Variants in BASP1 observed in about 807,000 individuals in gnomAD.
BASP1 encodes brain abundant membrane attached signal protein 1, also known as brain acid soluble protein 1.
BASP1 carries 1 observed loss-of-function variant against 2.2 expected under a neutral mutation model. The ratio of observed to expected loss-of-function variants is 0.46; its 90% CI spans 0.16 to 2.17. BASP1 has a LOEUF of 2.17. Among genes scored for constraint, BASP1 ranks in the 30% most tolerant of loss-of-function variants. The pLI is 0.27. For missense variants in BASP1, 352 were observed against 327.2 expected (o/e 1.08, Z -0.58); for synonymous variants, 187 against 154.2 (o/e 1.21, Z -1.58).
chr5:17,256,594 C>A (rs1260613525), intron 1 of BASP1, among the ~76,000 whole-genome samples: 3 of 152,122 alleles, frequency 2.0e-5, no homozygotes, highest in African/African-American at 7.2e-5. Flanking sequence ...ATGAAATAAC[C>A]AACCCTGGGA....
At position 17,275,635 on chromosome 5, in the gene BASP1, A is replaced by G. The variant is rs1341704499; in HGVS notation, c.419A>G (p.Glu140Gly). ...AESAAPAAGEEPSKEEGEPKK... is the reference protein window; with the variant it reads ...AESAAPAAGEGPSKEEGEPKK... ...AGCGCGGCCCCTGCCGCCGGGGAGG[A>G]GCCCAGCAAGGAGGAAGGGGAACCC... The change falls in exon 2 of 2, where the codon GAG (glutamate) becomes GGG (glycine). Residue 140 changes from glutamate to glycine, a missense_variant. Coordinates refer to ENST00000322611, the MANE Select transcript of BASP1 (RefSeq NM_006317.5). The surrounding 1 kb of genome is among the most constrained non-coding windows in gnomAD (Gnocchi z 5.3). 1 of 1,498,164 alleles carries G rather than the reference A, an allele frequency of 6.7e-7. No individual in the cohort carries two copies. Among genetic ancestry groups the G allele is most frequent in the Non-Finnish European group, 8.9e-7 (1 of 1,126,044 alleles). 92.8% of individuals were successfully genotyped at this position (1,498,164 alleles called of 1,614,324 possible).
chr5:17,243,359 G>C (rs1188070251), intron 1 of BASP1, among the ~76,000 whole-genome samples: 3 of 152,036 alleles, frequency 2.0e-5, no homozygotes, highest in Non-Finnish European at 4.4e-5. Flanking sequence ...TCGCCACGTT[G>C]GCCAGGCTAG....
intron 1 of BASP1, among the ~76,000 whole-genome samples, chr5:17,235,026 A>T (rs1252586349): frequency 6.6e-6 from 1 of 152,220 alleles, no homozygotes; most frequent in Admixed American, 6.5e-5. Flanking sequence ...TTCCATTAAA[A>T]AGCAGGCATT....
Position 17,224,641 on chromosome 5 carries a change from C to G in BASP1, c.-10+6831C>G, listed in dbSNP as rs544355833. On this transcript the variant is annotated intron_variant, in intron 1 of 1. Transcript: ENST00000322611. ...TTAAATTGCTTGTAGATTAGAGGTG[C>G]TTCTTGTCATAGTGAATGGAGACTA... is the stretch of plus-strand genomic sequence containing the variant. Among the ~76,000 whole-genome samples the G allele has an allele frequency of 5.9e-5, 9 of 152,266 alleles. No homozygotes were observed. In the South Asian group the frequency reaches 1.9e-3, roughly 32 times the overall value.
intron 1 of BASP1, among the ~76,000 whole-genome samples, chr5:17,241,029 C>T (rs940146352): frequency 6.6e-6 from 1 of 151,776 alleles, no homozygotes; most frequent in African/African-American, 2.4e-5. Context: ...CTGGTGAGCA[C>T]AGGCTTGCCT....
chr5:17,235,600 C>T (rs1739726849), intron 1 of BASP1, among the ~76,000 whole-genome samples: 1 of 152,142 alleles, frequency 6.6e-6, no homozygotes, highest in Non-Finnish European at 1.5e-5. Context: ...CATTTCCTTA[C>T]ATCCCTATTC....
chr5:17,269,409 A>AG (rs1740488131), intron 1 of BASP1, among the ~76,000 whole-genome samples: 2 of 152,192 alleles, frequency 1.3e-5, no homozygotes, highest in Non-Finnish European at 2.9e-5. Context: ...TAGGCAAAAA[A>AG]GGACCAGGCT....
chr5:17,237,222 T>C (rs1655906820), intron 1 of BASP1, among the ~76,000 whole-genome samples: 1 of 152,086 alleles, frequency 6.6e-6, no homozygotes, highest in African/African-American at 2.4e-5. Context: ...TGGGCGCCTG[T>C]AGTCCCAGCT....
At chr5:17,246,542 T>C (rs1739995613) in intron 1 of BASP1, among the ~76,000 whole-genome samples, 1 of 152,138 alleles carries the variant, frequency 6.6e-6, no homozygotes, top group South Asian at 2.1e-4. Context: ...GCAGGAGATG[T>C]GGCCGCCCCG....
chr5:17,218,498 G>A (rs946630933), intron 1 of BASP1, among the ~76,000 whole-genome samples: 2 of 152,162 alleles, frequency 1.3e-5, no homozygotes, highest in African/African-American at 2.4e-5. Flanking sequence ...TGGCGGAATT[G>A]CCTTCCTACG....
At chr5:17,217,099 AGT>A (rs1739263903), upstream of BASP1, 12 of 132,656 alleles carry the variant, frequency 9.0e-5, no homozygotes, top group Non-Finnish European at 1.4e-4. Context: ...AGAGAGAGTG[AGT>A]GAGAGAGTGA....
chr5:17,233,931 C>T (rs1196256718), intron 1 of BASP1, among the ~76,000 whole-genome samples: 2 of 152,004 alleles, frequency 1.3e-5, no homozygotes, highest in Admixed American at 6.6e-5. Context: ...GAGTTCTATA[C>T]CAGCCTGGCT....
chr5:17,241,058 G>C (rs901377117), intron 1 of BASP1, among the ~76,000 whole-genome samples: 1 of 151,770 alleles, frequency 6.6e-6, no homozygotes, highest in Non-Finnish European at 1.5e-5. Flanking sequence ...GCATGTGCCA[G>C]GCAGGCCACA....
chr5:17,232,745 GGGGCAC>G (rs1739660794), intron 1 of BASP1, among the ~76,000 whole-genome samples: 1 of 151,890 alleles, frequency 6.6e-6, no homozygotes, highest in Non-Finnish European at 1.5e-5. Context: ...AGGAGGAGGT[GGGGCAC>G]AACTAAGACA....
Position 17,230,490 on chromosome 5 carries a change from T to G in BASP1, c.-10+12680T>G, listed in dbSNP as rs893386232. Among the ~76,000 whole-genome samples, 11 of 152,194 alleles carry G rather than the reference T, an allele frequency of 7.2e-5. 1 individual carries two copies. In the South Asian group the frequency reaches 2.3e-3, roughly 31 times the overall value. On this transcript the variant is annotated intron_variant, in intron 1 of 1. Coordinates refer to ENST00000322611, the MANE Select transcript of BASP1 (RefSeq NM_006317.5). ...GTAGTGATACTTACAGGGATTCTTT[T>G]GAGGGGCATTCTCAACAAGTGTGGG...
chr5:17,222,303 C>T (rs915236909), intron 1 of BASP1, among the ~76,000 whole-genome samples: 11 of 152,206 alleles, frequency 7.2e-5, no homozygotes, highest in Admixed American at 3.3e-4. Flanking sequence ...TCCTTGAATT[C>T]CCCAGGTCTG....
At chr5:17,228,324 C>T (rs1490606572) in intron 1 of BASP1, among the ~76,000 whole-genome samples, 2 of 152,166 alleles carry the variant, frequency 1.3e-5, no homozygotes, top group Admixed American at 6.5e-5. Context: ...GACCACAATG[C>T]AGAGAGAGGT....
intron 1 of BASP1, among the ~76,000 whole-genome samples, chr5:17,234,196 T>C (rs1170667511): frequency 2.0e-5 from 3 of 151,782 alleles, no homozygotes; most frequent in Non-Finnish European, 4.4e-5. Flanking sequence ...GCCCAAGGAG[T>C]GATTGGTAGA....
At chr5:17,239,932 G>A (rs920199577) in intron 1 of BASP1, among the ~76,000 whole-genome samples, 1 of 152,008 alleles carries the variant, frequency 6.6e-6, no homozygotes, top group African/African-American at 2.4e-5. Context: ...TGTTTATAGA[G>A]ATGTAATTTT....
Sources: gnomAD v4.1 joint callset for allele counts (sites outside exome capture counted in the v4.1 genomes callset) on GRCh38, gnomAD v4.1.1 for gene constraint, Gnocchi (gnomAD v3.1) non-coding constraint, MANE v1.5 for transcripts, NCBI Gene and HGNC (gene_info 2026-07-23, HGNC 2026-07-21) for gene names.